Variants in ELOVL7 observed in about 807,000 individuals in gnomAD.
The protein encoded by ELOVL7 is very long chain fatty acid elongase 7.
In ELOVL7, 27 loss-of-function variants were observed where a neutral mutation model predicts 35.7. That is an observed-to-expected ratio of 0.76 (90% CI 0.56 to 1.04). The LOEUF (loss-of-function observed/expected upper bound fraction) is 1.04. ELOVL7 is among the 50% of genes least tolerant of loss of function. ELOVL7 has a pLI of 0.00. For synonymous variants in ELOVL7, 113 were observed against 114.6 expected (o/e 0.99, Z 0.09); for missense variants, 327 against 340.8 (o/e 0.96, Z 0.32).
chr5:60,821,564 A>G (rs749023411), intron 1 of ELOVL7, among the ~76,000 whole-genome samples: 1 of 152,090 alleles, frequency 6.6e-6, no homozygotes, highest in Non-Finnish European at 1.5e-5. Context: ...TTCCTCTAAC[A>G]TGCTTTCTGT....
At chr5:60,761,908 A>G (rs1469143694) in intron 7 of ELOVL7, among the ~76,000 whole-genome samples, 1 of 152,114 alleles carries the variant, frequency 6.6e-6, no homozygotes, top group East Asian at 1.9e-4. Context: ...TTCGATATTG[A>G]AGCCTGAGAC....
intron 2 of ELOVL7, among the ~76,000 whole-genome samples, chr5:60,795,266 C>T (rs965994633): frequency 2.6e-5 from 4 of 151,980 alleles, no homozygotes; most frequent in Admixed American, 6.6e-5. Flanking sequence ...CTTCCTAGGC[C>T]GACTAAGAAT....
chr5:60,794,525 C>CTTG (rs200450622), intron 2 of ELOVL7, among the ~76,000 whole-genome samples: 1,769 of 152,284 alleles, frequency 0.012, 30 homozygotes, highest in African/African-American at 0.038. Flanking sequence ...GTGGGAAGCA[C>CTTG]CAGACAAGAG....
At position 60,787,355 on chromosome 5, in the gene ELOVL7, C is replaced by A; in HGVS notation, c.43G>T (p.Asp15Tyr). Residue 15 changes from aspartate to tyrosine, a missense_variant, in exon 3 of 9, where the codon GAT becomes TAT. Transcript: ENST00000508821. ...TCACCAGCATCTTTGATCCAATTAT[C>A]ATAAAGATGCACAGTCCTCGATGTA... is the stretch of plus-strand genomic sequence containing the variant. ...DLTSRTVHLY[D>Y]NWIKDADPRV... The A allele has an allele frequency of 6.2e-7, 1 of 1,604,492 alleles. No homozygotes were observed. The highest frequency in any genetic ancestry group is 8.5e-7 in the Non-Finnish European group (1 of 1,176,932).
chr5:60,836,368 A>C (rs1228812990), intron 1 of ELOVL7, among the ~76,000 whole-genome samples: 2 of 152,014 alleles, frequency 1.3e-5, no homozygotes, highest in African/African-American at 4.8e-5. Flanking sequence ...TCTTTCTTCA[A>C]GTTAAAGTCA....
At chr5:60,792,576 T>C (rs1488898900) in intron 2 of ELOVL7, among the ~76,000 whole-genome samples, 1 of 152,104 alleles carries the variant, frequency 6.6e-6, no homozygotes, top group Non-Finnish European at 1.5e-5. Context: ...CACATAAAGA[T>C]AGGAGGCAAG....
intron 7 of ELOVL7, among the ~76,000 whole-genome samples, chr5:60,759,954 C>A (rs1438685559): frequency 6.6e-6 from 1 of 152,146 alleles, no homozygotes; most frequent in African/African-American, 2.4e-5. Context: ...CATGTCCCTA[C>A]AAAGGACATG....
chr5:60,831,082 A>G (rs1240537922), intron 1 of ELOVL7, among the ~76,000 whole-genome samples: 2 of 152,234 alleles, frequency 1.3e-5, no homozygotes, highest in Admixed American at 1.3e-4. Context: ...TAAATGAATG[A>G]ATACTGATTT....
chr5:60,761,447 G>C (rs1278512662), intron 7 of ELOVL7, among the ~76,000 whole-genome samples: 1 of 152,070 alleles, frequency 6.6e-6, no homozygotes, highest in Non-Finnish European at 1.5e-5. Context: ...TTCATTCTAG[G>C]AATGGACCTC....
At chr5:60,762,063 G>A (rs898922228) in intron 7 of ELOVL7, among the ~76,000 whole-genome samples, 13 of 152,052 alleles carry the variant, frequency 8.5e-5, no homozygotes, top group African/African-American at 2.9e-4. Context: ...GAACAGAAGT[G>A]CCAATGCATG....
Position 60,844,151 on chromosome 5 carries a change from C to A in ELOVL7, c.-86+9G>T, listed in dbSNP as rs1051678124. 1 of 152,248 alleles carries A rather than the reference C, an allele frequency of 6.6e-6. No individual in the cohort carries two copies. Among genetic ancestry groups the A allele is most frequent in the African/African-American group, 2.4e-5 (1 of 41,382 alleles). 9.4% of individuals were successfully genotyped at this position (152,248 alleles called of 1,614,324 possible). Reference sequence around the variant, plus strand: ...GCCCCTGCCCGCCGGCCTGGAACCCCGCACTCACCGCACAGGGAGCGGAGC... The same window carrying A: ...GCCCCTGCCCGCCGGCCTGGAACCCAGCACTCACCGCACAGGGAGCGGAGC... On this transcript the variant is annotated intron_variant, in intron 1 of 8. Coordinates refer to ENST00000508821, the MANE Select transcript of ELOVL7 (RefSeq NM_024930.3).
intron 5 of ELOVL7, among the ~76,000 whole-genome samples, 193 bp from the exon 6 acceptor site, chr5:60,766,823 C>T (rs1742271846): frequency 6.6e-6 from 1 of 152,132 alleles, no homozygotes; most frequent in Admixed American, 6.5e-5. Context: ...CTTTTTTCAT[C>T]TTGCAAAATT....
At chr5:60,790,436 T>C (rs1743867848) in intron 2 of ELOVL7, among the ~76,000 whole-genome samples, 1 of 152,272 alleles carries the variant, frequency 6.6e-6, no homozygotes, top group East Asian at 1.9e-4. Context: ...CATATACAAA[T>C]ACACATATGC....
At chr5:60,816,370 G>A (rs1402926412) in intron 1 of ELOVL7, among the ~76,000 whole-genome samples, 6 of 110,484 alleles carry the variant, frequency 5.4e-5, no homozygotes, top group Admixed American at 9.5e-5. Context: ...AACAGAGCGA[G>A]ACTCCATCTC....
At chr5:60,764,388 G>A in intron 6 of ELOVL7, 56 bp from the exon 7 acceptor site, 1 of 1,340,358 alleles carries the variant, frequency 7.5e-7, no homozygotes. Flanking sequence ...AGTGTATTGA[G>A]TATTATAAAA....
chr5:60,800,056 T>A (rs7709716), intron 1 of ELOVL7, among the ~76,000 whole-genome samples: 79,775 of 132,742 alleles, frequency 0.6, 23,641 homozygotes, highest in East Asian at 0.89. Context: ...AAAAAAAAAG[T>A]ATAACTAATA....
intron 3 of ELOVL7, among the ~76,000 whole-genome samples, chr5:60,775,029 G>T (rs1442878108): frequency 6.6e-6 from 1 of 152,136 alleles, no homozygotes; most frequent in Non-Finnish European, 1.5e-5. Context: ...CTCCCAAAGT[G>T]CTGGGATTAC....
At position 60,752,716 on chromosome 5, in the gene ELOVL7, G is replaced by T. The variant is rs1231029486; in HGVS notation, c.*1908C>A. On this transcript the variant is annotated 3_prime_UTR_variant, in exon 9 of 9. Transcript: ENST00000508821. ...CCCTGTAATCCCAGAACTTTGGGAG[G>T]CCGAGGTGGGAGGATCACCTGAGGT... is the stretch of plus-strand genomic sequence containing the variant. 2 of 152,160 alleles carry T rather than the reference G, an allele frequency of 1.3e-5. No individual in the cohort carries two copies. Among genetic ancestry groups the T allele is most frequent in the African/African-American group, 4.8e-5 (2 of 41,414 alleles). The allele number at this position is 152,160 out of a possible 1,614,324, so 9.4% of individuals were successfully genotyped here.
chr5:60,787,390 A>G lies in ELOVL7; in HGVS notation c.8T>C (p.Phe3Ser). ...CACAGTCCTCGATGTAAGATCACTG[A>G]AGGCCATTTTCCACAGGATTTACTG... is the stretch of plus-strand genomic sequence containing the variant. MA[F>S]SDLTSRTVHL... is the part of the protein sequence containing the mutation. The change falls in exon 3 of 9, where the codon TTC becomes TCC. Residue 3 changes from phenylalanine to serine, a missense_variant. By Grantham distance (155) the Phe-to-Ser change is radical. Transcript: ENST00000508821. The G allele has an allele frequency of 6.2e-7, 1 of 1,601,408 alleles. No homozygotes were observed. The highest frequency in any genetic ancestry group is 8.5e-7 in the Non-Finnish European group (1 of 1,175,666).
Sources: allele counts gnomAD v4.1 joint callset (sites outside exome capture counted in the v4.1 genomes callset), GRCh38; gene constraint gnomAD v4.1.1; transcripts MANE v1.5; gene names NCBI Gene and HGNC (gene_info 2026-07-23, HGNC 2026-07-21).